CCSER1: variants seen among roughly 807,000 people sequenced by gnomAD.
CCSER1 encodes the protein coiled-coil serine rich protein 1, also known as serine-rich coiled-coil domain-containing protein 1.
A neutral mutation model predicts 82.0 loss-of-function variants in CCSER1; 41 were observed. The observed-to-expected ratio is 0.50, with a 90% CI of 0.39 to 0.65. CCSER1 has a LOEUF of 0.65. Among genes scored for constraint, CCSER1 ranks in the 30% least tolerant of loss-of-function variants. The pLI, the probability that CCSER1 is intolerant of heterozygous loss-of-function variation, is 0.00. For missense variants in CCSER1, 1,119 were observed against 1,064.2 expected (o/e 1.05, Z -0.72); for synonymous variants, 414 against 383.9 (o/e 1.08, Z -0.92).
At chr4:90,692,081 A>G (rs921868028) in intron 6 of CCSER1, among the ~76,000 whole-genome samples, 2 of 148,740 alleles carry the variant, frequency 1.3e-5, no homozygotes, top group Admixed American at 6.8e-5. Context: ...GATAAATACC[A>G]GACACATTTA....
intron 9 of CCSER1, among the ~76,000 whole-genome samples, chr4:91,061,525 G>T (rs1210890038): frequency 1.3e-5 from 2 of 151,758 alleles, no homozygotes; most frequent in Non-Finnish European, 2.9e-5. Flanking sequence ...GAAAGGTGTT[G>T]TTTTTATTTT....
At chr4:91,392,026 A>T (rs899576376) in intron 10 of CCSER1, among the ~76,000 whole-genome samples, 5 of 152,078 alleles carry the variant, frequency 3.3e-5, no homozygotes, top group Non-Finnish European at 1.5e-5. Flanking sequence ...GTGCCCATCG[A>T]TACAGCAATT....
At chr4:91,182,002 G>C (rs747802611) in intron 10 of CCSER1, among the ~76,000 whole-genome samples, 8 of 152,168 alleles carry the variant, frequency 5.3e-5, no homozygotes, top group Non-Finnish European at 1.0e-4. Context: ...GATAACCGCT[G>C]TCATAGCTAC....
At chr4:90,759,554 A>G (rs1385486921) in intron 7 of CCSER1, among the ~76,000 whole-genome samples, 4 of 152,176 alleles carry the variant, frequency 2.6e-5, no homozygotes, top group Admixed American at 6.5e-5. Context: ...GTAAATTTCT[A>G]TGTTGTTATT....
At chr4:90,515,231 A>C (rs1015822171) in intron 5 of CCSER1, among the ~76,000 whole-genome samples, 2 of 152,300 alleles carry the variant, frequency 1.3e-5, no homozygotes, top group East Asian at 1.9e-4. Flanking sequence ...TACAAGTATA[A>C]AATTTTAAAA....
intron 9 of CCSER1, among the ~76,000 whole-genome samples, chr4:91,069,814 C>G (rs780967102): frequency 5.9e-5 from 9 of 151,874 alleles, no homozygotes; most frequent in African/African-American, 9.7e-5. Context: ...GGGGAGAGAT[C>G]ATTAAAAGAA....
chr4:91,144,051 G>A (rs1411424479), intron 10 of CCSER1, among the ~76,000 whole-genome samples: 1 of 151,864 alleles, frequency 6.6e-6, no homozygotes, highest in East Asian at 1.9e-4. Flanking sequence ...AGTAGCTTTT[G>A]TACCAGCTCT....
chr4:90,247,817 A>G (rs1304252404), intron 1 of CCSER1, among the ~76,000 whole-genome samples: 1 of 151,942 alleles, frequency 6.6e-6, no homozygotes, highest in African/African-American at 2.4e-5. Flanking sequence ...CCTCCTTTGC[A>G]CTTCTTTTAT....
chr4:91,165,910 GC>G (rs754676684), intron 10 of CCSER1, among the ~76,000 whole-genome samples: 173 of 152,312 alleles, frequency 1.1e-3, no homozygotes, highest in Non-Finnish European at 2.2e-3. Context: ...ATCCTGCCCA[GC>G]TTTGGCTCAC....
chr4:90,645,558 C>G (rs1727421662), intron 6 of CCSER1, among the ~76,000 whole-genome samples: 1 of 151,800 alleles, frequency 6.6e-6, no homozygotes, highest in African/African-American at 2.4e-5. Context: ...TGGAACAATC[C>G]TAATTTGCTG....
chr4:90,868,402 G>T (rs1766013022), intron 8 of CCSER1, among the ~76,000 whole-genome samples: 1 of 151,862 alleles, frequency 6.6e-6, no homozygotes, highest in Non-Finnish European at 1.5e-5. Flanking sequence ...ATCTCGATGA[G>T]GTCAATTTTG....
intron 8 of CCSER1, among the ~76,000 whole-genome samples, chr4:90,859,076 A>AAT (rs1764767681): frequency 6.6e-6 from 1 of 151,928 alleles, no homozygotes; most frequent in Admixed American, 6.6e-5. Flanking sequence ...TCACTAGTCT[A>AAT]ATGTTTGAAG....
intron 6 of CCSER1, among the ~76,000 whole-genome samples, chr4:90,703,752 T>G (rs960956835): frequency 6.6e-6 from 1 of 152,194 alleles, no homozygotes; most frequent in Non-Finnish European, 1.5e-5. Flanking sequence ...TCTTTTGATC[T>G]TTGTTGGTTT....
intron 8 of CCSER1, chr4:90,839,106 C>T: frequency 8.6e-7 from 1 of 1,163,268 alleles, no homozygotes; most frequent in Non-Finnish European, 1.3e-6. Flanking sequence ...GTGGCCACCA[C>T]CGAGTTGTCG....
At chr4:91,123,407 G>A (rs1444992181) in intron 10 of CCSER1, among the ~76,000 whole-genome samples, 1 of 151,552 alleles carries the variant, frequency 6.6e-6, no homozygotes, top group Non-Finnish European at 1.5e-5. Flanking sequence ...AATTAGTGTA[G>A]TAGTTTCTAA....
rs1292133435 is a variant in CCSER1 at position 91,165,491 on chromosome 4, A to G, written c.2217+79497A>G. ...GTCAGACAGGGACGTTTAAGTCTGC[A>G]GAAGTTTCTGCTGCCTCTTGTTCAG... On this transcript the variant is annotated intron_variant, in intron 10 of 10. Transcript: ENST00000509176. Among the ~76,000 whole-genome samples, 3 of 152,338 alleles carry G rather than the reference A, an allele frequency of 2.0e-5. No homozygotes were observed. In the East Asian group the frequency reaches 5.8e-4, roughly 29 times the overall value.
intron 1 of CCSER1, among the ~76,000 whole-genome samples, chr4:90,145,642 C>T (rs1196948420): frequency 6.6e-6 from 1 of 152,022 alleles, no homozygotes; most frequent in African/African-American, 2.4e-5. Flanking sequence ...CAGTCATTGT[C>T]TTAAGATAGG....
intron 1 of CCSER1, among the ~76,000 whole-genome samples, chr4:90,194,954 T>C (rs1736323415): frequency 6.6e-6 from 1 of 152,060 alleles, no homozygotes; most frequent in Admixed American, 6.6e-5. Context: ...AATGTTCTCA[T>C]GTAAGATATA....
intron 9 of CCSER1, among the ~76,000 whole-genome samples, chr4:91,015,698 A>T (rs983252720): frequency 1.3e-5 from 2 of 151,934 alleles, no homozygotes; most frequent in Non-Finnish European, 2.9e-5. Flanking sequence ...TTTGCTATAT[A>T]AAATATTTCT....
Sources: allele counts gnomAD v4.1 joint callset (sites outside exome capture counted in the v4.1 genomes callset), GRCh38; gene constraint gnomAD v4.1.1; transcripts MANE v1.5; gene names NCBI Gene and HGNC (gene_info 2026-07-23, HGNC 2026-07-21).